The following ARHGAP10 variants were observed in gnomAD, a reference collection of about 807,000 sequenced individuals.
ARHGAP10 encodes Rho GTPase activating protein 10.
A neutral mutation model predicts 108.6 loss-of-function variants in ARHGAP10; 87 were observed. The observed-to-expected ratio is 0.80, with a 90% confidence interval of 0.67 to 0.96. The LOEUF is 0.96. Among genes scored for constraint, ARHGAP10 ranks in the 40% least tolerant of loss-of-function variants. The pLI is 0.00. For missense variants in ARHGAP10, 939 were observed against 954.5 expected (o/e 0.98, Z 0.21); for synonymous variants, 347 against 341.1 (o/e 1.02, Z -0.19).
chr4:147,907,142 T>C (rs749261801), intron 11 of ARHGAP10, among the ~76,000 whole-genome samples: 6 of 152,314 alleles, frequency 3.9e-5, no homozygotes, highest in Non-Finnish European at 5.9e-5. Context: ...TGTAACAATT[T>C]AAAGTTTCAT....
intron 3 of ARHGAP10, among the ~76,000 whole-genome samples, chr4:147,833,558 G>C (rs1267230472): frequency 6.6e-6 from 1 of 152,220 alleles, no homozygotes; most frequent in African/African-American, 2.4e-5. Context: ...TTTGATGACT[G>C]AGATGAAAAG....
At chr4:147,976,541 GTTT>G (rs56763356) in intron 18 of ARHGAP10, among the ~76,000 whole-genome samples, 3 of 140,444 alleles carry the variant, frequency 2.1e-5, no homozygotes, top group Admixed American at 7.1e-5. Context: ...TTTGTGTGTG[GTTT>G]TTTTTTTTTT....
rs888120631 is a variant in ARHGAP10 at position 148,016,030 on chromosome 4, C to A, written c.1717-7233C>A. ...TGGAACACATTGGTCAAGACATGTA[C>A]AGTGGAGTGAGGGAAGTGGGTTCAA... is the stretch of plus-strand genomic sequence containing the variant. On this transcript the variant is annotated intron_variant, in intron 18 of 22. Coordinates refer to ENST00000336498, the MANE Select transcript of ARHGAP10 (RefSeq NM_024605.4). 2.6e-5 allele frequency among the ~76,000 whole-genome samples: 4 copies of A among 152,114 alleles called. No individual in the cohort carries two copies. In the East Asian group the frequency reaches 7.7e-4, roughly 29 times the overall value.
intron 18 of ARHGAP10, among the ~76,000 whole-genome samples, chr4:147,981,676 T>G (rs1170517234): frequency 6.6e-6 from 1 of 152,246 alleles, no homozygotes; most frequent in East Asian, 1.9e-4. Flanking sequence ...CCTATTATTA[T>G]GTGGCTGTCA....
intron 1 of ARHGAP10, among the ~76,000 whole-genome samples, chr4:147,750,074 A>T (rs776351082): frequency 1.3e-5 from 2 of 152,264 alleles, no homozygotes; most frequent in Non-Finnish European, 2.9e-5. Context: ...TTCTTTGTCC[A>T]GAAAACAAAG....
At chr4:147,981,566 G>A (rs1330613777) in intron 18 of ARHGAP10, among the ~76,000 whole-genome samples, 4 of 152,182 alleles carry the variant, frequency 2.6e-5, no homozygotes, top group Non-Finnish European at 5.9e-5. Context: ...TGCCTATTAG[G>A]TCCGGTTAGT....
At position 147,810,780 on chromosome 4, in the gene ARHGAP10, C is replaced by T. The variant is rs563496143; in HGVS notation, c.155-11947C>T. 3.3e-4 allele frequency among the ~76,000 whole-genome samples: 51 copies of T among 152,282 alleles called. No individual in the cohort carries two copies. In the South Asian group the frequency reaches 1.0e-2, roughly 30 times the overall value. On this transcript the variant is annotated intron_variant, in intron 1 of 22. Transcript: ENST00000336498. ...CTGTCCCATCTTTTAGAACAGAGCC[C>T]ACAGGGTTGGGTTCTTGCAAGATCT...
At chr4:147,770,751 T>G (rs1730042561) in intron 1 of ARHGAP10, among the ~76,000 whole-genome samples, 1 of 152,238 alleles carries the variant, frequency 6.6e-6, no homozygotes, top group South Asian at 2.1e-4. Context: ...TTAGCCCATC[T>G]GAGCTTCGGT....
chr4:148,042,571 G>A (rs994517477), intron 19 of ARHGAP10, among the ~76,000 whole-genome samples: 1 of 152,094 alleles, frequency 6.6e-6, no homozygotes, highest in Non-Finnish European at 1.5e-5. Context: ...TCCTGTTGCT[G>A]CACTCCCACC....
chr4:148,061,949 G>A (rs1304380326), intron 20 of ARHGAP10, among the ~76,000 whole-genome samples: 1 of 152,150 alleles, frequency 6.6e-6, no homozygotes, highest in Non-Finnish European at 1.5e-5. Flanking sequence ...GGCCACAGGG[G>A]GAGTATTGGG....
chr4:148,067,052 C>G (rs146937582), intron 22 of ARHGAP10, among the ~76,000 whole-genome samples: 2 of 152,264 alleles, frequency 1.3e-5, no homozygotes, highest in East Asian at 3.9e-4. Flanking sequence ...CTGTCCCTCC[C>G]CTAAGGCTGG....
intron 14 of ARHGAP10, among the ~76,000 whole-genome samples, chr4:147,942,087 C>A (rs1048877669): frequency 1.3e-5 from 2 of 152,024 alleles, no homozygotes; most frequent in Non-Finnish European, 2.9e-5. Context: ...ACATGTATAT[C>A]CTGAAGAGGA....
chr4:148,058,801 C>T (rs1042714491), intron 20 of ARHGAP10, among the ~76,000 whole-genome samples: 1 of 152,218 alleles, frequency 6.6e-6, no homozygotes, highest in Non-Finnish European at 1.5e-5. Flanking sequence ...GGGTTTGGCC[C>T]CACTGCTGCA....
intron 13 of ARHGAP10, among the ~76,000 whole-genome samples, chr4:147,918,458 T>C (rs1737085603): frequency 6.6e-6 from 1 of 152,168 alleles, no homozygotes; most frequent in Non-Finnish European, 1.5e-5. Context: ...TTGAATAATG[T>C]TTTTATGATC....
At chr4:147,966,610 G>T in intron 17 of ARHGAP10, 70 bp from the exon 18 acceptor site, 2 of 1,366,252 alleles carry the variant, frequency 1.5e-6, no homozygotes, top group Non-Finnish European at 2.0e-6. Context: ...ATACAGAGTT[G>T]CAGACTATTT....
chr4:147,759,167 A>G (rs982291907), intron 1 of ARHGAP10, among the ~76,000 whole-genome samples: 10 of 152,334 alleles, frequency 6.6e-5, no homozygotes, highest in African/African-American at 2.4e-4. Flanking sequence ...TTGTAATAAA[A>G]TAGTGATAAC....
chr4:147,838,925 A>T (rs1312246303), intron 3 of ARHGAP10, among the ~76,000 whole-genome samples: 1 of 152,214 alleles, frequency 6.6e-6, no homozygotes, highest in Non-Finnish European at 1.5e-5. Flanking sequence ...CTGAAACTAA[A>T]TGTGATTAGG....
chr4:147,856,036 G>A (rs1355704651), intron 4 of ARHGAP10, among the ~76,000 whole-genome samples: 1 of 152,162 alleles, frequency 6.6e-6, no homozygotes, highest in Non-Finnish European at 1.5e-5. Context: ...TCCTTTTTTA[G>A]GAGGTGTGGA....
chr4:147,889,974 C>T (rs567047296), intron 10 of ARHGAP10, among the ~76,000 whole-genome samples: 10 of 152,194 alleles, frequency 6.6e-5, no homozygotes, highest in Non-Finnish European at 8.8e-5. Context: ...CCTGCTCTCT[C>T]GAGCATAGTT....
Sources: allele counts gnomAD v4.1 joint callset (sites outside exome capture counted in the v4.1 genomes callset), GRCh38; gene constraint gnomAD v4.1.1; transcripts MANE v1.5; gene names NCBI Gene and HGNC (gene_info 2026-07-23, HGNC 2026-07-21).